The following PRR16 variants were observed in gnomAD, a reference collection of about 807,000 sequenced individuals.
PRR16 encodes the protein proline rich 16.
In PRR16, 6 loss-of-function variants were observed where a neutral mutation model predicts 18.2. The ratio of observed to expected loss-of-function variants is 0.33; its 90% confidence interval spans 0.18 to 0.65. PRR16 has a LOEUF of 0.65. Ranked by LOEUF, PRR16 falls within the 30% of genes least tolerant of loss-of-function variation. PRR16 has a pLI of 0.74. For missense variants in PRR16, 412 were observed against 376.6 expected (o/e 1.09, Z -0.78); for synonymous variants, 151 against 147.8 (o/e 1.02, Z -0.16).
the PRR16 span, among the ~76,000 whole-genome samples, chr5:120,775,954 A>G: frequency 7.9e-5 from 12 of 151,886 alleles, no homozygotes; most frequent in African/African-American, 2.7e-4. Context: ...GGCCTAAACT[A>G]TAAATCTAAC....
At chr5:120,526,475 T>C (rs1751350069) in intron 1 of PRR16, among the ~76,000 whole-genome samples, 1 of 152,164 alleles carries the variant, frequency 6.6e-6, no homozygotes, top group Non-Finnish European at 1.5e-5. Flanking sequence ...CAACAAATCC[T>C]GGCAATAACA....
At chr5:120,581,346 C>G (rs1753265760) in intron 1 of PRR16, among the ~76,000 whole-genome samples, 1 of 152,162 alleles carries the variant, frequency 6.6e-6, no homozygotes, top group Non-Finnish European at 1.5e-5. Flanking sequence ...GTTTGTATTT[C>G]TGTGGGATCA....
chr5:120,644,814 T>A (rs1469430251), intron 1 of PRR16, among the ~76,000 whole-genome samples: 2 of 152,178 alleles, frequency 1.3e-5, no homozygotes. Flanking sequence ...ACAGTGTTGC[T>A]GGTTTATGTA....
chr5:120,508,479 TA>T (rs1459577152), intron 1 of PRR16, among the ~76,000 whole-genome samples: 1 of 152,090 alleles, frequency 6.6e-6, no homozygotes, highest in Admixed American at 6.6e-5. Flanking sequence ...GCTGCAATAT[TA>T]TATAAGTAGT....
At chr5:120,747,328 C>A in the PRR16 span, among the ~76,000 whole-genome samples, 15,746 of 152,100 alleles carry the variant, frequency 0.1, 1,036 homozygotes, top group African/African-American at 0.18. Flanking sequence ...TTATTTTTTA[C>A]CTTTTTAGTT....
chr5:120,604,251 T>A (rs1213411540), intron 1 of PRR16, among the ~76,000 whole-genome samples: 1 of 152,126 alleles, frequency 6.6e-6, no homozygotes, highest in African/African-American at 2.4e-5. Context: ...TGGGAGCATA[T>A]ATTTCTAGGA....
At chr5:120,625,230 C>G (rs1754825773) in intron 1 of PRR16, among the ~76,000 whole-genome samples, 1 of 152,184 alleles carries the variant, frequency 6.6e-6, no homozygotes, top group Admixed American at 6.5e-5. Context: ...TACTTTGTCT[C>G]TGAACTCAGT....
chr5:120,698,650 T>C, the PRR16 span, among the ~76,000 whole-genome samples: 2 of 152,012 alleles, frequency 1.3e-5, no homozygotes, highest in Non-Finnish European at 2.9e-5. Flanking sequence ...TGGGGCCTAA[T>C]AAAAAGGAGC....
At chr5:120,762,933 G>A in the PRR16 span, among the ~76,000 whole-genome samples, 1 of 151,980 alleles carries the variant, frequency 6.6e-6, no homozygotes, top group African/African-American at 2.4e-5. Flanking sequence ...CATTCACTTT[G>A]AGTTGATTTT....
chr5:120,767,892 C>A, the PRR16 span, among the ~76,000 whole-genome samples: 1 of 151,880 alleles, frequency 6.6e-6, no homozygotes, highest in East Asian at 1.9e-4. Context: ...TGAGCTCTTG[C>A]TACTCCACTT....
the PRR16 span, among the ~76,000 whole-genome samples, chr5:120,770,147 GACAGAGAAGA>G: frequency 1.3e-5 from 2 of 151,884 alleles, no homozygotes; most frequent in Non-Finnish European, 2.9e-5. Flanking sequence ...ACACAATCTT[GACAGAGAAGA>G]ACAAAGTTGG....
At chr5:120,699,495 G>A in the PRR16 span, among the ~76,000 whole-genome samples, 12 of 152,246 alleles carry the variant, frequency 7.9e-5, no homozygotes, top group Admixed American at 2.6e-4. Flanking sequence ...CAGGAACAAC[G>A]GTAATTGTGG....
chr5:120,509,705 T>C (rs1031345218), intron 1 of PRR16, among the ~76,000 whole-genome samples: 1 of 152,144 alleles, frequency 6.6e-6, no homozygotes, highest in Non-Finnish European at 1.5e-5. Flanking sequence ...TTTTACCCTA[T>C]AGTATTTGAA....
intron 1 of PRR16, among the ~76,000 whole-genome samples, chr5:120,684,331 A>AT (rs78274348): frequency 0.058 from 8,877 of 152,272 alleles, 316 homozygotes; most frequent in South Asian, 0.086. Flanking sequence ...CAATCACTTA[A>AT]GAGCCTCATG....
At chr5:120,703,437 A>G in the PRR16 span, among the ~76,000 whole-genome samples, 2 of 152,210 alleles carry the variant, frequency 1.3e-5, no homozygotes, top group African/African-American at 2.4e-5. Context: ...TTCGAAGCCT[A>G]GTGAACTGAA....
intron 1 of PRR16, among the ~76,000 whole-genome samples, chr5:120,606,816 AG>A: frequency 6.6e-6 from 1 of 152,264 alleles, no homozygotes; most frequent in Admixed American, 6.5e-5. Flanking sequence ...CTGAGGTGGT[AG>A]GATCACTTGG....
At chr5:120,748,404 T>C in the PRR16 span, among the ~76,000 whole-genome samples, 2 of 152,242 alleles carry the variant, frequency 1.3e-5, no homozygotes, top group South Asian at 2.1e-4. Flanking sequence ...GTATAACTTA[T>C]TCTTTCATAA....
chr5:120,756,217 C>G, the PRR16 span, among the ~76,000 whole-genome samples: 1 of 152,070 alleles, frequency 6.6e-6, no homozygotes, highest in Admixed American at 6.6e-5. Context: ...GAGGTACTTT[C>G]CATTTTTCAT....
the PRR16 span, among the ~76,000 whole-genome samples, chr5:120,787,784 C>T: frequency 1.3e-5 from 2 of 152,020 alleles, no homozygotes; most frequent in African/African-American, 4.8e-5. Context: ...CCTCCTCCTC[C>T]GTTGTACTTT....
Sources: gnomAD v4.1 joint callset for allele counts (sites outside exome capture counted in the v4.1 genomes callset) on GRCh38, gnomAD v4.1.1 for gene constraint, MANE v1.5 for transcripts, NCBI Gene and HGNC (gene_info 2026-07-23, HGNC 2026-07-21) for gene names.